The following FRG1 variants were observed in gnomAD, a reference collection of about 807,000 sequenced individuals.
The protein encoded by FRG1 is protein FRG1.
A neutral mutation model predicts 37.0 loss-of-function variants in FRG1; 19 were observed. The ratio of observed to expected loss-of-function variants is 0.51; its 90% CI spans 0.36 to 0.75. The LOEUF is 0.75. FRG1 is among the 30% of genes least tolerant of loss of function. The pLI is 0.00. For synonymous variants in FRG1, 73 were observed against 96.5 expected (o/e 0.76, Z 1.43); for missense variants, 243 against 301.4 (o/e 0.81, Z 1.44).
chr4:189,952,015 CA>C, intron 2 of FRG1, 146 bp from the exon 3 acceptor site: 1 of 557,868 alleles, frequency 1.8e-6, no homozygotes, highest in South Asian at 2.9e-5. Context: ...TTAATCGAGA[CA>C]AAGTGAGTAA....
intron 1 of FRG1, among the ~76,000 whole-genome samples, chr4:189,942,358 A>C (rs1348761882): frequency 6.6e-6 from 1 of 152,032 alleles, no homozygotes; most frequent in African/African-American, 2.4e-5. Flanking sequence ...ATCTCCCCCT[A>C]CCCATTAAAG....
At chr4:189,944,629 A>T (rs1736451822) in intron 2 of FRG1, among the ~76,000 whole-genome samples, 1 of 151,370 alleles carries the variant, frequency 6.6e-6, no homozygotes, top group Middle Eastern at 3.2e-3. Flanking sequence ...TTTTTTAAAC[A>T]TCTTGATAGC....
At chr4:189,956,849 A>C (rs1003992874) in intron 5 of FRG1, among the ~76,000 whole-genome samples, 1 of 152,214 alleles carries the variant, frequency 6.6e-6, no homozygotes, top group South Asian at 2.1e-4. Context: ...TCAGTCTTTA[A>C]AGTTTTAATA....
intron 5 of FRG1, 122 bp downstream of exon 5, chr4:189,955,273 A>G: frequency 1.6e-6 from 1 of 610,658 alleles, no homozygotes; most frequent in South Asian, 2.2e-5. Flanking sequence ...TTAAATAGGA[A>G]TAAATCAATA....
intron 8 of FRG1, among the ~76,000 whole-genome samples, chr4:189,962,283 A>G (rs1737269656): frequency 6.6e-6 from 1 of 152,202 alleles, no homozygotes; most frequent in Admixed American, 6.5e-5. Flanking sequence ...AGGTTCCTTA[A>G]AATAAGAATA....
At chr4:189,954,213 AAAAT>A (rs1412863452) in intron 4 of FRG1, among the ~76,000 whole-genome samples, 1 of 152,214 alleles carries the variant, frequency 6.6e-6, no homozygotes, top group Non-Finnish European at 1.5e-5. Flanking sequence ...TGTTTAAAAA[AAAAT>A]GCGTGATACA....
At chr4:189,942,752 C>CT in intron 1 of FRG1, among the ~76,000 whole-genome samples, 1 of 152,266 alleles carries the variant, frequency 6.6e-6, no homozygotes, top group East Asian at 1.9e-4. Context: ...CATGTGGTAA[C>CT]TTTAACTTTT....
At chr4:189,956,158 T>C (rs1234388504) in intron 5 of FRG1, among the ~76,000 whole-genome samples, 1 of 152,186 alleles carries the variant, frequency 6.6e-6, no homozygotes, top group Admixed American at 6.5e-5. Context: ...CCATGTGTTA[T>C]GCACCTTGAT....
At chr4:189,952,685 T>C (rs1736809214) in intron 3 of FRG1, among the ~76,000 whole-genome samples, 1 of 152,166 alleles carries the variant, frequency 6.6e-6, no homozygotes, top group Admixed American at 6.5e-5. Flanking sequence ...GAGGAAGCAC[T>C]AATGAGATAT....
In FRG1 at chr4:189,940,920, C is replaced by G; in HGVS notation, c.-90C>G. On this transcript the variant is annotated 5_prime_UTR_variant, in exon 1 of 9. Transcript: ENST00000226798. Reference sequence around the variant, plus strand: ...TCAGGGAGTGTTTATTTCGCGTCCGCTTCTGTTTCTCCGCGCCCCTGTGCT... The same window carrying G: ...TCAGGGAGTGTTTATTTCGCGTCCGGTTCTGTTTCTCCGCGCCCCTGTGCT... 1.0e-6 allele frequency: 1 copy of G among 999,146 alleles called. No individual in the cohort carries two copies. Among genetic ancestry groups the G allele is most frequent in the Non-Finnish European group, 1.5e-6 (1 of 649,106 alleles). 61.9% of individuals were successfully genotyped at this position (999,146 alleles called of 1,614,324 possible).
intron 2 of FRG1, among the ~76,000 whole-genome samples, chr4:189,944,530 A>G (rs1397735834): frequency 3.9e-5 from 6 of 152,008 alleles, no homozygotes; most frequent in Admixed American, 6.5e-5. Context: ...TAGAGGCATC[A>G]TAGTTTTAGT....
At chr4:189,951,446 C>T (rs369504783) in intron 2 of FRG1, among the ~76,000 whole-genome samples, 3 of 149,544 alleles carry the variant, frequency 2.0e-5, no homozygotes, top group African/African-American at 7.4e-5. Context: ...GCCGAGATCG[C>T]ATCACTGCAC....
chr4:189,952,424 A>G (rs544893951), intron 3 of FRG1, 137 bp downstream of exon 3: 1 of 726,116 alleles, frequency 1.4e-6, no homozygotes, highest in Admixed American at 2.9e-5. Flanking sequence ...TTTTTTTTTA[A>G]TTCCTTAATA....
Position 189,946,343 on chromosome 4 carries a change from ATATTTC to A in FRG1, c.133+3072_133+3077del, listed in dbSNP as rs533400788. Among the ~76,000 whole-genome samples the A allele has an allele frequency of 7.0e-4, 106 of 151,630 alleles. No homozygotes were observed. The South Asian group carries it at 0.021, about 30-fold the overall frequency. ...AAAAAAAAAGCAAAAAAATCTCATA[ATATTTC>A]AAGAAAGTTTATGAATTTGTGTTGG... On this transcript the variant is annotated intron_variant, in intron 2 of 8. Transcript: ENST00000226798.
chr4:189,960,686 G>A (rs1410164864), intron 6 of FRG1, 62 bp from the exon 7 acceptor site: 34 of 1,320,990 alleles, frequency 2.6e-5, no homozygotes, highest in African/African-American at 3.0e-5. Flanking sequence ...TATGTGATAC[G>A]TAAAGTGGGG....
At chr4:189,952,113 CTG>C (rs751468118) in intron 2 of FRG1, 47 bp from the exon 3 acceptor site, 15 of 1,369,952 alleles carry the variant, frequency 1.1e-5, no homozygotes, top group Admixed American at 2.3e-5. Context: ...AAAAAGAACT[CTG>C]TGTCAAAACT....
chr4:189,950,865 C>T (rs1736723276), intron 2 of FRG1, among the ~76,000 whole-genome samples: 1 of 152,132 alleles, frequency 6.6e-6, no homozygotes. Flanking sequence ...CCCATGAGTA[C>T]ATAAACGTAC....
chr4:189,942,357 T>A (rs1035802708), intron 1 of FRG1, among the ~76,000 whole-genome samples: 1 of 152,168 alleles, frequency 6.6e-6, no homozygotes, highest in Non-Finnish European at 1.5e-5. Context: ...AATCTCCCCC[T>A]ACCCATTAAA....
chr4:189,950,294 C>CA (rs1482255608), intron 2 of FRG1, among the ~76,000 whole-genome samples: 1 of 152,178 alleles, frequency 6.6e-6, no homozygotes, highest in Non-Finnish European at 1.5e-5. Flanking sequence ...ATGTAGTTTA[C>CA]AAATATTTTC....
Sources: allele counts gnomAD v4.1 joint callset (sites outside exome capture counted in the v4.1 genomes callset), GRCh38; gene constraint gnomAD v4.1.1; transcripts MANE v1.5; gene names NCBI Gene and HGNC (gene_info 2026-07-23, HGNC 2026-07-21).